LGR6: variants seen among roughly 807,000 people sequenced by gnomAD.
The protein encoded by LGR6 is leucine rich repeat containing G protein-coupled receptor 6.
A neutral mutation model predicts 69.4 loss-of-function variants in LGR6; 45 were observed. The observed-to-expected ratio is 0.65, with a 90% CI of 0.51 to 0.83. The LOEUF is 0.83. LGR6 is among the 40% of genes least tolerant of loss of function. LGR6 has a pLI of 0.00. For synonymous variants in LGR6, 538 were observed against 555.0 expected, an observed-to-expected ratio of 0.97 and a Z score of 0.43; for missense variants, 1,108 against 1,246.7, an observed-to-expected ratio of 0.89 and a Z score of 1.68.
intron 3 of LGR6, among the ~76,000 whole-genome samples, chr1:202,228,365 T>C (rs1224592255): frequency 1.3e-5 from 2 of 152,196 alleles, no homozygotes; most frequent in Non-Finnish European, 1.5e-5. Context: ...CGGATAAGAC[T>C]GTTTCTGGAG....
At chr1:202,286,000 C>T (rs1460119390) in intron 6 of LGR6, among the ~76,000 whole-genome samples, 3 of 152,158 alleles carry the variant, frequency 2.0e-5, no homozygotes, top group Non-Finnish European at 4.4e-5. Flanking sequence ...TCTATCTTCA[C>T]GTTGCCTTTT....
chr1:202,313,172 A>G (rs1205454105), intron 16 of LGR6, among the ~76,000 whole-genome samples: 1 of 151,816 alleles, frequency 6.6e-6, no homozygotes, highest in Non-Finnish European at 1.5e-5. Context: ...GCTTGCAGTG[A>G]GCCGAGATCA....
At chr1:202,236,507 A>G (rs1661568845) in intron 4 of LGR6, among the ~76,000 whole-genome samples, 1 of 152,176 alleles carries the variant, frequency 6.6e-6, no homozygotes, top group Non-Finnish European at 1.5e-5. Flanking sequence ...CCCTCCAAGG[A>G]GCCCTGTAGT....
At chr1:202,284,192 G>T (rs573990160) in intron 6 of LGR6, among the ~76,000 whole-genome samples, 2 of 152,298 alleles carry the variant, frequency 1.3e-5, no homozygotes, top group African/African-American at 4.8e-5. Context: ...TCGTAGGAAG[G>T]AAGCTCCCAG....
At chr1:202,234,274 C>T (rs1661336659) in intron 3 of LGR6, among the ~76,000 whole-genome samples, 1 of 152,216 alleles carries the variant, frequency 6.6e-6, no homozygotes, top group Admixed American at 6.5e-5. Context: ...CCAGGGGTCC[C>T]CAAAGTCTGT....
At chr1:202,307,483 C>G (rs1280483859) in intron 14 of LGR6, 82 bp downstream of exon 14, 2 of 1,176,662 alleles carry the variant, frequency 1.7e-6, no homozygotes, top group Middle Eastern at 1.9e-4. Flanking sequence ...GAAGGGCCAC[C>G]CCAGAGCAGG....
chr1:202,276,291 C>G lies in LGR6; in HGVS notation c.429-15C>G. 6.2e-7 allele frequency: 1 copy of G among 1,608,086 alleles called. No individual in the cohort carries two copies. The highest frequency in any genetic ancestry group is 8.5e-7 in the Non-Finnish European group (1 of 1,175,652). On this transcript the variant is annotated splice_polypyrimidine_tract_variant and intron_variant, in intron 4 of 17. Transcript: ENST00000367278. ...TTGCCCTGGATTGACCCCTCTCCAT[C>G]CTCTCTTCCACCAGGCGCCTAGATG...
chr1:202,194,271 A>C, intron 1 of LGR6, 70 bp downstream of exon 1: 1 of 1,159,108 alleles, frequency 8.6e-7, no homozygotes, highest in Non-Finnish European at 1.2e-6. Flanking sequence ...CGGCCTCAGC[A>C]GGGCACCTGC....
At chr1:202,205,438 TCCTTCAAACACACACACA>T (rs1659156703) in intron 1 of LGR6, among the ~76,000 whole-genome samples, 1 of 86,974 alleles carries the variant, frequency 1.1e-5, no homozygotes. Flanking sequence ...AACACACACC[TCCTTCAAACACACACACA>T]CCTCCAAACA....
At chr1:202,269,417 C>T (rs1207068175) in intron 4 of LGR6, among the ~76,000 whole-genome samples, 1 of 152,216 alleles carries the variant, frequency 6.6e-6, no homozygotes, top group African/African-American at 2.4e-5. Context: ...CTTTCAGCAT[C>T]TGAAACAGAA....
Position 202,319,464 on chromosome 1 carries a change from C to A in LGR6, c.*257C>A. ...TCCTTGTCATGTCTGAAGCTGTGGA[C>A]CAGAGACCTGGACTTTTGTCTGCTT... On this transcript the variant is annotated 3_prime_UTR_variant, in exon 18 of 18. Coordinates refer to ENST00000367278, the MANE Select transcript of LGR6 (RefSeq NM_001017403.2). 2.2e-6 allele frequency: 1 copy of A among 450,214 alleles called. No homozygotes were observed. The highest frequency in any genetic ancestry group is 3.5e-5 in the East Asian group (1 of 28,300). 27.9% of individuals were successfully genotyped at this position (450,214 alleles called of 1,614,324 possible).
At chr1:202,201,180 A>G (rs944710811) in intron 1 of LGR6, among the ~76,000 whole-genome samples, 4 of 152,328 alleles carry the variant, frequency 2.6e-5, no homozygotes, top group South Asian at 2.1e-4. Flanking sequence ...TGTCTGCTCC[A>G]GCACGGTGAG....
intron 2 of LGR6, among the ~76,000 whole-genome samples, chr1:202,226,153 G>A (rs1325072281): frequency 6.6e-6 from 1 of 152,116 alleles, no homozygotes; most frequent in Non-Finnish European, 1.5e-5. Context: ...TATGCTAGGG[G>A]TGCTCAAAAG....
intron 6 of LGR6, among the ~76,000 whole-genome samples, chr1:202,282,243 C>T (rs1479904658): frequency 2.0e-5 from 3 of 152,226 alleles, no homozygotes; most frequent in African/African-American, 4.8e-5. Flanking sequence ...TCATAGACAG[C>T]TGGGCAGTTA....
intron 3 of LGR6, among the ~76,000 whole-genome samples, chr1:202,232,891 C>T (rs1371952089): frequency 6.6e-6 from 1 of 152,186 alleles, no homozygotes; most frequent in Non-Finnish European, 1.5e-5. Flanking sequence ...GCCTTCACCT[C>T]CTCATCTTGG....
intron 6 of LGR6, among the ~76,000 whole-genome samples, chr1:202,281,953 T>C (rs1208296079): frequency 6.6e-6 from 1 of 152,138 alleles, no homozygotes; most frequent in Admixed American, 6.5e-5. Flanking sequence ...CCTGGGCTAA[T>C]GGCATTTGTG....
rs975914787 is a variant in LGR6 at position 202,254,829 on chromosome 1, G to A, written c.428+18836G>A. Among the ~76,000 whole-genome samples the A allele has an allele frequency of 1.8e-4, 28 of 151,860 alleles. 1 individual carries two copies. The highest frequency in any genetic ancestry group is 1.6e-3 in the Admixed American group (25 of 15,252). On this transcript the variant is annotated intron_variant, in intron 4 of 17. Transcript: ENST00000367278. ...TGATAGTATTTTGGGAGGCTGAGGC[G>A]GGAGGATCTCTTGAACTCAGGAGTT... is the stretch of plus-strand genomic sequence containing the variant.
intron 7 of LGR6, among the ~76,000 whole-genome samples, 154 bp from the exon 8 acceptor site, chr1:202,300,695 C>A (rs1341758266): frequency 6.6e-6 from 1 of 151,680 alleles, no homozygotes; most frequent in African/African-American, 2.4e-5. Context: ...AAATCACAGG[C>A]AGTATTTGAA....
At chr1:202,194,523 T>C (rs1283267337) in intron 1 of LGR6, 4 of 635,198 alleles carry the variant, frequency 6.3e-6, no homozygotes, top group Non-Finnish European at 1.2e-5. Flanking sequence ...CTGCTCCATC[T>C]CCTGTTGCTG....
Sources: allele counts gnomAD v4.1 joint callset (sites outside exome capture counted in the v4.1 genomes callset), GRCh38; gene constraint gnomAD v4.1.1; transcripts MANE v1.5; gene names NCBI Gene and HGNC (gene_info 2026-07-23, HGNC 2026-07-21).